VSTM4: variants seen among roughly 807,000 people sequenced by gnomAD.
The protein encoded by VSTM4 is V-set and transmembrane domain-containing protein 4.
VSTM4 carries 20 observed loss-of-function variants against 36.4 expected under a neutral mutation model. The ratio of observed to expected loss-of-function variants is 0.55; its 90% CI spans 0.39 to 0.80. VSTM4 has a LOEUF of 0.80. VSTM4 is among the 30% of genes least tolerant of loss of function. The pLI is 0.00. For synonymous variants in VSTM4, 182 were observed against 173.9 expected (o/e 1.05, Z -0.37); for missense variants, 392 against 404.5 (o/e 0.97, Z 0.26).
chr10:49,048,646 A>C, intron 5 of VSTM4, 62 bp from the exon 6 acceptor site: 1 of 1,426,450 alleles, frequency 7.0e-7, no homozygotes, highest in Non-Finnish European at 9.6e-7. Context: ...AGAAAGGAAA[A>C]AAAAAAACCC....
At chr10:49,048,642 G>C in intron 5 of VSTM4, 58 bp from the exon 6 acceptor site, 2 of 1,162,670 alleles carry the variant, frequency 1.7e-6, no homozygotes, top group Non-Finnish European at 1.2e-6. Context: ...AAAGAGAAAG[G>C]AAAAAAAAAA....
intron 2 of VSTM4, among the ~76,000 whole-genome samples, chr10:49,098,019 C>A (rs886283924): frequency 6.6e-6 from 1 of 152,194 alleles, no homozygotes; most frequent in Non-Finnish European, 1.5e-5. Flanking sequence ...AAACAAGTTC[C>A]AATTCAGTAT....
chr10:49,092,082 T>C (rs1046584115), intron 2 of VSTM4, among the ~76,000 whole-genome samples: 1 of 152,208 alleles, frequency 6.6e-6, no homozygotes, highest in African/African-American at 2.4e-5. Flanking sequence ...CCAGGGTAGC[T>C]GAAGCCTTCT....
chr10:49,019,732 A>G lies in VSTM4; in HGVS notation c.881T>C (p.Leu294Pro). The G allele has an allele frequency of 1.2e-6, 2 of 1,613,992 alleles. No individual in the cohort carries two copies. The highest frequency in any genetic ancestry group is 1.7e-4 in the Middle Eastern group (1 of 6,016). ...TTTGGCAGCCCGGTGGGGTTTGATC[A>G]GCTCCAGTTCGGCATAGGTTAAGTT... ...EENLTYAELE[L>P]IKPHRAAKGA... Residue 294 changes from leucine to proline, a missense_variant, in exon 8 of 8, where the codon CTG becomes CCG. Transcript: ENST00000332853.
intron 5 of VSTM4, among the ~76,000 whole-genome samples, chr10:49,059,146 C>T (rs749135554): frequency 2.0e-5 from 3 of 152,166 alleles, no homozygotes; most frequent in African/African-American, 4.8e-5. Context: ...AGGTTCTAAT[C>T]GGGAAAATGA....
chr10:49,064,715 C>T lies in VSTM4; in HGVS notation c.656G>A (p.Cys219Tyr). 1.9e-6 allele frequency: 3 copies of T among 1,612,666 alleles called. No individual in the cohort carries two copies. Among genetic ancestry groups the T allele is most frequent in the Non-Finnish European group, 2.5e-6 (3 of 1,179,556 alleles). The change falls in exon 5 of 8, where the codon TGC (cysteine) becomes TAC (tyrosine). Residue 219 changes from cysteine to tyrosine, a missense_variant. Transcript: ENST00000332853. The stretch of plus-strand genomic sequence containing the variant: ...AAAATATTCTTACCTGTTCTGAGGG[C>T]ATTTCACCAAATAATGTCTCACTGT... The part of the protein sequence containing the change: ...KSRVRHYLVK[C>Y]PQNSSGETVT...
chr10:49,092,791 A>C (rs964191773), intron 2 of VSTM4, among the ~76,000 whole-genome samples: 1 of 152,172 alleles, frequency 6.6e-6, no homozygotes, highest in East Asian at 1.9e-4. Flanking sequence ...CATCGAGAGG[A>C]GCACGTCACC....
intron 5 of VSTM4, among the ~76,000 whole-genome samples, chr10:49,061,945 T>C (rs1357137342): frequency 1.3e-5 from 2 of 152,224 alleles, no homozygotes; most frequent in Non-Finnish European, 1.5e-5. Flanking sequence ...GTAATTCTCA[T>C]TCCTCTGTTT....
intron 4 of VSTM4, among the ~76,000 whole-genome samples, chr10:49,064,942 A>G (rs908726890): frequency 2.6e-5 from 4 of 152,210 alleles, no homozygotes; most frequent in African/African-American, 9.7e-5. Flanking sequence ...TGTCCCAGCC[A>G]GGGATCTAGC....
chr10:49,080,404 G>C (rs556341316), intron 3 of VSTM4, among the ~76,000 whole-genome samples: 1 of 152,376 alleles, frequency 6.6e-6, no homozygotes, highest in African/African-American at 2.4e-5. Context: ...AGGCCCCAGG[G>C]AAGCCCAGCA....
intron 3 of VSTM4, among the ~76,000 whole-genome samples, chr10:49,078,835 T>A (rs1844226885): frequency 6.6e-6 from 1 of 151,114 alleles, no homozygotes; most frequent in Admixed American, 6.7e-5. Flanking sequence ...CTGTGTATGA[T>A]TTTTTAGAAA....
At chr10:49,034,163 C>G (rs1178634695) in intron 7 of VSTM4, among the ~76,000 whole-genome samples, 5 of 150,448 alleles carry the variant, frequency 3.3e-5, no homozygotes, top group Admixed American at 6.7e-5. Context: ...ATTACCATCA[C>G]CGTCATCATC....
At chr10:49,098,085 T>G (rs7090938) in intron 2 of VSTM4, among the ~76,000 whole-genome samples, 28,529 of 151,918 alleles carry the variant, frequency 0.19, 3,900 homozygotes, top group African/African-American at 0.39. Context: ...GAGACATGGC[T>G]GAGCAGTGCA....
chr10:49,059,322 C>A (rs1241683629), intron 5 of VSTM4, among the ~76,000 whole-genome samples: 2 of 152,212 alleles, frequency 1.3e-5, no homozygotes, highest in Non-Finnish European at 2.9e-5. Flanking sequence ...GACACCCAAC[C>A]AACCTGACAG....
At chr10:49,078,809 C>G (rs776108964) in intron 3 of VSTM4, among the ~76,000 whole-genome samples, 21 of 152,262 alleles carry the variant, frequency 1.4e-4, no homozygotes, top group Non-Finnish European at 2.5e-4. Flanking sequence ...AGGAAACAAA[C>G]TGGTACAAGG....
chr10:49,112,686 C>T (rs1844918413), intron 1 of VSTM4, among the ~76,000 whole-genome samples: 2 of 152,216 alleles, frequency 1.3e-5, no homozygotes, highest in Non-Finnish European at 1.5e-5. Context: ...AGTCCTCACA[C>T]CCCAACATGG....
chr10:49,059,678 G>A (rs890140533), intron 5 of VSTM4, among the ~76,000 whole-genome samples: 2 of 152,068 alleles, frequency 1.3e-5, no homozygotes, highest in Non-Finnish European at 2.9e-5. Flanking sequence ...CCCTAGTCTT[G>A]GGGGCCTTAT....
chr10:49,067,763 C>A (rs929328741), intron 4 of VSTM4, among the ~76,000 whole-genome samples: 4 of 152,214 alleles, frequency 2.6e-5, no homozygotes, highest in Admixed American at 2.6e-4. Context: ...GCCTCCGCAA[C>A]CTAATACACC....
chr10:49,034,429 T>A (rs935327596), intron 7 of VSTM4, among the ~76,000 whole-genome samples: 1 of 152,244 alleles, frequency 6.6e-6, no homozygotes, highest in African/African-American at 2.4e-5. Flanking sequence ...ATGACTGAAC[T>A]AACAATTTTT....
Sources: allele counts gnomAD v4.1 joint callset (sites outside exome capture counted in the v4.1 genomes callset), GRCh38; gene constraint gnomAD v4.1.1; transcripts MANE v1.5; gene names NCBI Gene and HGNC (gene_info 2026-07-23, HGNC 2026-07-21).